The following PKM variants were observed in gnomAD, a reference collection of about 807,000 sequenced individuals.
The protein encoded by PKM is pyruvate kinase M1/2.
Under a neutral mutation model 49.8 loss-of-function variants are expected in PKM, and 18 were observed. The ratio of observed to expected loss-of-function variants is 0.36; its 90% CI spans 0.25 to 0.54. The LOEUF (loss-of-function observed/expected upper bound fraction) is 0.54, where lower values mean the gene tolerates loss of function less well. Ranked by LOEUF, PKM falls within the 20% of genes least tolerant of loss-of-function variation. The probability of loss-of-function intolerance (pLI) is 0.89; values close to 1 mark genes in which losing one functional copy is unlikely to be tolerated. For synonymous variants in PKM, 239 were observed against 261.8 expected (o/e 0.91, Z 0.84); for missense variants, 508 against 713.8 (o/e 0.71, Z 3.28).
chr15:72,216,978 A>G (rs2140730447), intron 3 of PKM, among the ~76,000 whole-genome samples: 1 of 152,352 alleles, frequency 6.6e-6, no homozygotes, highest in South Asian at 2.1e-4. Flanking sequence ...AACCGTTCTC[A>G]TGGACCTGCC....
Position 72,217,290 on chromosome 15 carries a change from C to T in PKM, c.246+119G>A, listed in dbSNP as rs1285529458. ...GATGGGCTAGTAAAGACAAACTTCA[C>T]ACTGACTGTGAAACTCAGACTCATC... On this transcript the variant is annotated intron_variant, in intron 3 of 10. Coordinates refer to ENST00000335181, the MANE Select transcript of PKM (RefSeq NM_002654.6). 22 of 728,756 alleles carry T rather than the reference C, an allele frequency of 3.0e-5. No homozygotes were observed. In the South Asian group the frequency reaches 3.2e-4, roughly 10 times the overall value. 45.1% of individuals were successfully genotyped at this position (728,756 alleles called of 1,614,324 possible). A position where few individuals can be genotyped will look rare whatever the true frequency, so the allele number is the denominator to read the frequency against.
At chr15:72,230,512 T>C (rs1306196874) in intron 1 of PKM, among the ~76,000 whole-genome samples, 1 of 150,590 alleles carries the variant, frequency 6.6e-6, no homozygotes, top group Non-Finnish European at 1.5e-5. Flanking sequence ...AGGAAGGGGA[T>C]GCGGGGGAGC....
intron 3 of PKM, 49 bp from the exon 4 acceptor site, chr15:72,210,527 A>C (rs1596752718): frequency 2.5e-6 from 4 of 1,611,566 alleles, no homozygotes; most frequent in African/African-American, 2.7e-5. Context: ...ACTAGAATCC[A>C]GCTCCAATTC....
chr15:72,228,682 CCCCACAAGACAG>C (rs1351954042), intron 1 of PKM: 1 of 1,249,308 alleles, frequency 8.0e-7, no homozygotes, highest in Non-Finnish European at 1.0e-6. Flanking sequence ...CATTTCCCTT[CCCCACAAGACAG>C]CCCACTCCTG....
chr15:72,221,191 T>C, intron 1 of PKM: 1 of 1,534,894 alleles, frequency 6.5e-7, no homozygotes, highest in East Asian at 2.4e-5. Context: ...GGGTTGGGCT[T>C]CCGGTGACAT....
chr15:72,203,207 G>A (rs2081989126), intron 8 of PKM: 4 of 1,611,678 alleles, frequency 2.5e-6, no homozygotes, highest in Admixed American at 1.7e-5. Flanking sequence ...TTTAGGGGAA[G>A]AGGGGGCAAG....
chr15:72,224,406 G>A (rs73438405), intron 1 of PKM, among the ~76,000 whole-genome samples: 3,645 of 152,186 alleles, frequency 0.024, 142 homozygotes, highest in African/African-American at 0.085. Context: ...CATTCTAGTC[G>A]GGGGGATAAA....
At chr15:72,205,350 C>T (rs1312133907) in intron 8 of PKM, among the ~76,000 whole-genome samples, 1 of 152,134 alleles carries the variant, frequency 6.6e-6, no homozygotes, top group Non-Finnish European at 1.5e-5. Context: ...GTCTTCTGAG[C>T]TCAAGCAATC....
chr15:72,211,105 G>A (rs954905983), intron 3 of PKM, among the ~76,000 whole-genome samples: 15 of 148,464 alleles, frequency 1.0e-4, no homozygotes, highest in Admixed American at 2.7e-4. Context: ...TTGCTCTGTC[G>A]CCCAGGCTGG....
chr15:72,210,540 C>G, intron 3 of PKM, 62 bp from the exon 4 acceptor site: 1 of 1,600,902 alleles, frequency 6.2e-7, no homozygotes, highest in South Asian at 1.1e-5. Flanking sequence ...TCCAATTCCC[C>G]TGCCCAGGAG....
chr15:72,208,746 A>G lies in PKM; in HGVS notation c.711T>C (p.Val237=). ...QDLKFGVEQD[V]DMVFASFIRK... is the part of the protein sequence containing the mutation. ...GGATGAATGACGCAAACACCATATC[A>G]ACATCCTGCTCGACCCCAAACTTCA... Residue 237 remains valine (V), a synonymous_variant, in exon 6 of 11, where the codon GTT becomes GTC. Transcript: ENST00000335181. 1.2e-6 allele frequency: 2 copies of G among 1,614,156 alleles called. No individual in the cohort carries two copies. The highest frequency in any genetic ancestry group is 1.7e-6 in the Non-Finnish European group (2 of 1,180,036).
chr15:72,216,956 T>C (rs1028108974), intron 3 of PKM, among the ~76,000 whole-genome samples: 7 of 152,218 alleles, frequency 4.6e-5, no homozygotes, highest in Admixed American at 1.3e-4. Context: ...CCTCAAAACT[T>C]AGAATAGTGG....
chr15:72,204,394 A>G (rs192842273), intron 8 of PKM: 2 of 152,392 alleles, frequency 1.3e-5, no homozygotes, highest in Admixed American at 1.3e-4. Flanking sequence ...TGTTCATAGG[A>G]AACACCAGGG....
chr15:72,202,317 C>T lies in PKM; in HGVS notation c.1307+137G>A, dbSNP rs1480315391. On this transcript the variant is annotated intron_variant, in intron 9 of 10. Transcript: ENST00000335181. This position sits in a 1 kb window ranked among gnomAD's most constrained non-coding sequence, Gnocchi z 4.5. ...AGGGGCTCTGCTCAATCCTTCCCTGCAGGCCCAAGGTGGCAGGCAGAGGGG... is the reference window on the plus strand; with the variant it reads ...AGGGGCTCTGCTCAATCCTTCCCTGTAGGCCCAAGGTGGCAGGCAGAGGGG... 2.3e-6 allele frequency: 2 copies of T among 860,618 alleles called. No homozygotes were observed. The highest frequency in any genetic ancestry group is 3.8e-6 in the Non-Finnish European group (2 of 530,776). The allele number at this position is 860,618 out of a possible 1,614,324, so 53.3% of individuals were successfully genotyped here. A position where few individuals can be genotyped will look rare whatever the true frequency, so the allele number is the denominator to read the frequency against.
At position 72,209,067 on chromosome 15, in the gene PKM, T is replaced by G. The variant is rs576006965; in HGVS notation, c.566-176A>C. On this transcript the variant is annotated intron_variant, in intron 5 of 10. Transcript: ENST00000335181. ...GTAATCCTGGGCAAGCCATTTAACC[T>G]CTCTGTACCTCACTTTCCTCACCCA... 4.4e-6 allele frequency: 3 copies of G among 675,068 alleles called. No homozygotes were observed. The African/African-American group carries it at 5.3e-5, about 12-fold the overall frequency. 41.8% of individuals were successfully genotyped at this position (675,068 alleles called of 1,614,324 possible).
At chr15:72,204,260 A>G (rs1432826323) in intron 8 of PKM, 1 of 152,256 alleles carries the variant, frequency 6.6e-6, no homozygotes, top group Non-Finnish European at 1.5e-5. Flanking sequence ...GCCAGTGTTA[A>G]CTGGTGACAC....
chr15:72,209,658 A>G lies in PKM; in HGVS notation c.565+15T>C. 1 of 1,610,110 alleles carries G rather than the reference A, an allele frequency of 6.2e-7. No individual in the cohort carries two copies. Among genetic ancestry groups the G allele is most frequent in the Non-Finnish European group, 8.5e-7 (1 of 1,177,508 alleles). On this transcript the variant is annotated intron_variant, in intron 5 of 10. Coordinates refer to ENST00000335181, the MANE Select transcript of PKM (RefSeq NM_002654.6). ...AGACTGTTTTAGACAACTGGACTCCAGCTCCCATACGTACCTTTCTGCTTC... is the reference window on the plus strand; with the variant it reads ...AGACTGTTTTAGACAACTGGACTCCGGCTCCCATACGTACCTTTCTGCTTC...
At chr15:72,224,786 G>A (rs1481725430) in intron 1 of PKM, among the ~76,000 whole-genome samples, 2 of 151,730 alleles carry the variant, frequency 1.3e-5, no homozygotes, top group African/African-American at 4.8e-5. Context: ...TCCAGGAAGT[G>A]GAGGCTGCAG....
intron 1 of PKM, among the ~76,000 whole-genome samples, chr15:72,219,579 A>G (rs139454934): frequency 2.0e-3 from 311 of 152,334 alleles, no homozygotes; most frequent in Non-Finnish European, 4.0e-3. Context: ...TCACAAAGCT[A>G]CAAATAGCTG....
Sources: gnomAD v4.1 joint callset for allele counts (sites outside exome capture counted in the v4.1 genomes callset) on GRCh38, gnomAD v4.1.1 for gene constraint, Gnocchi (gnomAD v3.1) non-coding constraint, MANE v1.5 for transcripts, NCBI Gene and HGNC (gene_info 2026-07-23, HGNC 2026-07-21) for gene names.